Variants in SLC30A2 observed in about 807,000 individuals in gnomAD.
The protein encoded by SLC30A2 is proton-coupled zinc antiporter SLC30A2.
Under a neutral mutation model 39.6 loss-of-function variants are expected in SLC30A2, and 19 were observed. That is an observed-to-expected ratio of 0.48 (90% CI 0.34 to 0.70). The LOEUF (loss-of-function observed/expected upper bound fraction) is 0.70, where lower values mean the gene tolerates loss of function less well. Among genes scored for constraint, SLC30A2 ranks in the 30% least tolerant of loss-of-function variants. SLC30A2 has a pLI of 0.01. For synonymous variants in SLC30A2, 195 were observed against 194.8 expected (o/e 1.00, Z -0.01); for missense variants, 387 against 479.4 (o/e 0.81, Z 1.80).
chr1:26,045,913 T>C lies in SLC30A2; in HGVS notation c.-17A>G. On this transcript the variant is annotated 5_prime_UTR_variant, in exon 1 of 8. Transcript: ENST00000374276. ...GGCCTCCATGCAGTCCCGCGCCGAG[T>C]CCCGGCAGCCGCGCAGCCGCCCCGC... The C allele has an allele frequency of 6.2e-7, 1 of 1,608,600 alleles. No individual in the cohort carries two copies. The highest frequency in any genetic ancestry group is 1.1e-5 in the South Asian group (1 of 91,006).
At chr1:26,040,005 C>T in intron 6 of SLC30A2, 94 bp from the exon 7 acceptor site, 1 of 1,448,914 alleles carries the variant, frequency 6.9e-7, no homozygotes, top group Non-Finnish European at 9.5e-7. Context: ...CAGGTGTCAT[C>T]CCCTCAAAGA....
Position 26,039,844 on chromosome 1 carries a change from G to A in SLC30A2, c.906C>T (p.Ala302=), listed in dbSNP as rs1165759803. The part of the protein sequence containing the change: ...DLLLSVEGVE[A]LHSLHIWALT... ...GTGCCCAGATATGCAGGCTGTGCAG[G>A]GCTTCTACCCCCTCCACCGACAGCA... Residue 302 remains alanine, a synonymous_variant, in exon 7 of 8, where the codon GCC becomes GCT. Coordinates refer to ENST00000374276, the MANE Select transcript of SLC30A2 (RefSeq NM_001004434.3). The surrounding 1 kb of genome is among the most constrained non-coding windows in gnomAD (Gnocchi z 4.3). 1 of 1,614,024 alleles carries A rather than the reference G, an allele frequency of 6.2e-7. No individual in the cohort carries two copies. The highest frequency in any genetic ancestry group is 1.7e-5 in the Admixed American group (1 of 60,014).
At chr1:26,043,611 C>T in intron 3 of SLC30A2, 60 bp from the exon 4 acceptor site, 1 of 1,544,504 alleles carries the variant, frequency 6.5e-7, no homozygotes, top group Non-Finnish European at 8.8e-7. Context: ...AAGGAGTCTT[C>T]CCCCTTCCTT....
At position 26,039,952 on chromosome 1, in the gene SLC30A2, C is replaced by T. The variant is rs370552299; in HGVS notation, c.839-41G>A. On this transcript the variant is annotated intron_variant, in intron 6 of 7. Transcript: ENST00000374276. The surrounding 1 kb of genome is among the most constrained non-coding windows in gnomAD (Gnocchi z 4.3). ...ACAGGGGAAACTAAAGGAAACTACC[C>T]CTCCCACGCCTGCCCATTGGTGCAG... 1.0e-4 allele frequency: 165 copies of T among 1,611,626 alleles called. 2 individuals carry two copies. In the East Asian group the frequency reaches 1.8e-3, roughly 17 times the overall value.
intron 1 of SLC30A2, 54 bp from the exon 2 acceptor site, chr1:26,045,271 C>A: frequency 7.0e-7 from 1 of 1,428,508 alleles, no homozygotes. Context: ...GTAAGGAGGG[C>A]CGACTCTAGT....
intron 6 of SLC30A2, 152 bp downstream of exon 6, chr1:26,041,548 G>T: frequency 1.7e-6 from 1 of 594,168 alleles, no homozygotes; most frequent in South Asian, 2.0e-5. Context: ...GATCAGCCCA[G>T]GGGCCCCAGG....
At chr1:26,042,433 C>A in intron 5 of SLC30A2, 116 bp downstream of exon 5, 3 of 934,378 alleles carry the variant, frequency 3.2e-6, no homozygotes, top group Non-Finnish European at 4.9e-6. Context: ...CCTCTCCCCA[C>A]CCTTTTCCCT....
chr1:26,043,427 C>A lies in SLC30A2; in HGVS notation c.543G>T (p.Thr181=). ...YEIDGGTMLI[T]SGCAVAVNII... ...TGTTCACAGCCACAGCGCAGCCCGA[C>A]GTGATCAGCATGGTCCCCCCGTCAA... Residue 181 remains threonine, a synonymous_variant, in exon 4 of 8, where the codon ACG becomes ACT. Coordinates refer to ENST00000374276, the MANE Select transcript of SLC30A2 (RefSeq NM_001004434.3). 2 of 1,614,138 alleles carry A rather than the reference C, an allele frequency of 1.2e-6. No individual in the cohort carries two copies. The highest frequency in any genetic ancestry group is 3.3e-5 in the Admixed American group (2 of 60,020).
At chr1:26,044,164 T>C in intron 3 of SLC30A2, 134 bp downstream of exon 3, 1 of 912,740 alleles carries the variant, frequency 1.1e-6, no homozygotes, top group Non-Finnish European at 1.7e-6. Flanking sequence ...GACATCCTCT[T>C]CCCCCATCCA....
chr1:26,045,046 C>T lies in SLC30A2; in HGVS notation c.222G>A (p.Leu74=), dbSNP rs1038578173. The change falls in exon 2 of 8, where the codon CTG becomes CTA. Residue 74 remains leucine, a synonymous_variant. Coordinates refer to ENST00000374276, the MANE Select transcript of SLC30A2 (RefSeq NM_001004434.3). ...ACAGGCAGATGGCAGAGGCTACATA[C>T]AGCTGGCGCTGGGCCTTCCCCTTCT... ...DPKKGKAQRQ[L]YVASAICLLF... The T allele has an allele frequency of 1.2e-6, 2 of 1,614,252 alleles. No homozygotes were observed. Among genetic ancestry groups the T allele is most frequent in the Admixed American group, 1.7e-5 (1 of 60,030 alleles).
chr1:26,042,484 A>C, intron 5 of SLC30A2, 65 bp downstream of exon 5: 23 of 1,415,096 alleles, frequency 1.6e-5, no homozygotes, highest in Non-Finnish European at 2.0e-5. Flanking sequence ...AAACCCCGGT[A>C]GAGAGTATAC....
At position 26,039,321 on chromosome 1, in the gene SLC30A2, A is replaced by C; in HGVS notation, c.974-16T>G. Reference sequence around the variant, plus strand: ...GTATTCTGAGCTGGGGGCCGAGAGGACACAGCGGGGGAAGCCATTTACTCT... The same window carrying C: ...GTATTCTGAGCTGGGGGCCGAGAGGCCACAGCGGGGGAAGCCATTTACTCT... On this transcript the variant is annotated splice_polypyrimidine_tract_variant and intron_variant, in intron 7 of 7. Transcript: ENST00000374276. This position sits in a 1 kb window ranked among gnomAD's most constrained non-coding sequence, Gnocchi z 4.3. 1 of 1,603,172 alleles carries C rather than the reference A, an allele frequency of 6.2e-7. No homozygotes were observed. Among genetic ancestry groups the C allele is most frequent in the African/African-American group, 1.3e-5 (1 of 74,812 alleles).
At position 26,043,442 on chromosome 1, in the gene SLC30A2, C is replaced by A. The variant is rs1182624128; in HGVS notation, c.528G>T (p.Gly176=). Residue 176 remains glycine (G), a synonymous_variant, in exon 4 of 8, where the codon GGG becomes GGT. Coordinates refer to ENST00000374276, the MANE Select transcript of SLC30A2 (RefSeq NM_001004434.3). ...CGCAGCCCGACGTGATCAGCATGGT[C>A]CCCCCGTCAATTTCATAGTCCCCAG... The part of the protein sequence containing the change: ...LISGDYEIDG[G]TMLITSGCAV... The A allele has an allele frequency of 1.2e-6, 2 of 1,613,964 alleles. No homozygotes were observed. The highest frequency in any genetic ancestry group is 2.2e-5 in the South Asian group (2 of 91,076).
chr1:26,045,326 A>G, intron 1 of SLC30A2, 109 bp from the exon 2 acceptor site: 1 of 873,524 alleles, frequency 1.1e-6, no homozygotes, highest in African/African-American at 1.7e-5. Flanking sequence ...AAAATAGCTA[A>G]GGACGCTCCG....
chr1:26,043,330 C>T (rs1371529115), intron 4 of SLC30A2, 68 bp downstream of exon 4: 6 of 1,500,468 alleles, frequency 4.0e-6, no homozygotes, highest in Admixed American at 3.5e-5. Context: ...TTCCGCAAAG[C>T]AGACATAGGT....
chr1:26,039,175 C>G lies in SLC30A2; in HGVS notation c.1104G>C (p.Gln368His). Residue 368 changes from glutamine to histidine, a missense_variant, in exon 8 of 8, where the codon CAG (glutamine) becomes CAC (histidine). Gln to His is a conservative substitution (Grantham distance 24). Transcript: ENST00000374276. This position sits in a 1 kb window ranked among gnomAD's most constrained non-coding sequence, Gnocchi z 4.3. ...SEDMKDCQAC[Q>H]GPSD ...GGCTGAGCAGTCAGTCTGAGGGGCC[C>G]TGGCATGCCTGACAGTCCTTCATGT... The G allele has an allele frequency of 6.2e-7, 1 of 1,614,022 alleles. No homozygotes were observed. Among genetic ancestry groups the G allele is most frequent in the Non-Finnish European group, 8.5e-7 (1 of 1,179,866 alleles).
In SLC30A2 at chr1:26,045,037, G is replaced by A. The variant is rs1309975445; in HGVS notation, c.231C>T (p.Ala77=). ...TCATGAACAACAGGCAGATGGCAGA[G>A]GCTACATACAGCTGGCGCTGGGCCT... ...KGKAQRQLYV[A]SAICLLFMIG... Residue 77 remains alanine (A), a synonymous_variant, in exon 2 of 8, where the codon GCC becomes GCT. Transcript: ENST00000374276. 2.5e-6 allele frequency: 4 copies of A among 1,614,128 alleles called. No homozygotes were observed. The highest frequency in any genetic ancestry group is 1.7e-5 in the Admixed American group (1 of 60,012).
chr1:26,041,599 C>T, intron 6 of SLC30A2, 101 bp downstream of exon 6: 1 of 730,572 alleles, frequency 1.4e-6, no homozygotes, highest in Non-Finnish European at 2.4e-6. Flanking sequence ...TCCTGGCTCC[C>T]CGCCCATGTG....
chr1:26,042,645 C>T lies in SLC30A2; in HGVS notation c.636G>A (p.Glu212=), dbSNP rs1337417803. Residue 212 remains glutamate (E), a synonymous_variant, in exon 5 of 8, where the codon GAG becomes GAA. Coordinates refer to ENST00000374276, the MANE Select transcript of SLC30A2 (RefSeq NM_001004434.3). ...AGGCAGCTCGGACGCTGGGGTTCTC[C>T]TCCTGCTGGTTGGTGGTGCCGTGGC... ...GHSHGTTNQQ[E]ENPSVRAAFI... The T allele has an allele frequency of 1.9e-6, 3 of 1,613,980 alleles. No individual in the cohort carries two copies. The highest frequency in any genetic ancestry group is 8.5e-7 in the Non-Finnish European group (1 of 1,180,032).
Sources: allele counts gnomAD v4.1 joint callset, GRCh38; gene constraint gnomAD v4.1.1; non-coding constraint Gnocchi (gnomAD v3.1); transcripts MANE v1.5; gene names NCBI Gene and HGNC (gene_info 2026-07-23, HGNC 2026-07-21).